The following RIMS2 variants were observed in gnomAD, a reference collection of about 807,000 sequenced individuals.
RIMS2 encodes the protein regulating synaptic membrane exocytosis 2, also known as regulating synaptic membrane exocytosis protein 2.
A neutral mutation model predicts 174.4 loss-of-function variants in RIMS2; 59 were observed. The observed-to-expected ratio is 0.34, with a 90% CI of 0.27 to 0.42. The LOEUF (loss-of-function observed/expected upper bound fraction) is 0.42, where lower values mean the gene tolerates loss of function less well. Ranked by LOEUF, RIMS2 falls within the 10% of genes least tolerant of loss-of-function variation. The pLI is 1.00. For synonymous variants in RIMS2, 606 were observed against 572.5 expected (o/e 1.06, Z -0.84); for missense variants, 1,620 against 1,666.3 (o/e 0.97, Z 0.48).
intron 13 of RIMS2, among the ~76,000 whole-genome samples, chr8:103,939,939 T>C (rs530789472): frequency 6.6e-6 from 1 of 152,308 alleles, no homozygotes; most frequent in East Asian, 1.9e-4. Flanking sequence ...GCCTGGACTT[T>C]ATTGTCCATA....
intron 19 of RIMS2, chr8:104,223,621 G>C: frequency 6.3e-7 from 1 of 1,579,536 alleles, no homozygotes; most frequent in Non-Finnish European, 8.5e-7. Context: ...CGCGTATCTT[G>C]TACCGCGGGA....
chr8:103,604,117 T>G (rs1318007502), intron 1 of RIMS2, among the ~76,000 whole-genome samples: 1 of 148,744 alleles, frequency 6.7e-6, no homozygotes, highest in Non-Finnish European at 1.5e-5. Flanking sequence ...TCTTCTAGGG[T>G]TTTTCTGGTT....
At chr8:103,766,035 T>G (rs1448734624) in intron 2 of RIMS2, among the ~76,000 whole-genome samples, 192 bp from the exon 6 acceptor site, 1 of 152,174 alleles carries the variant, frequency 6.6e-6, no homozygotes, top group African/African-American at 2.4e-5. Flanking sequence ...TATTGACTAT[T>G]TCATTAGAAT....
At chr8:103,992,370 C>T (rs993549069) in intron 17 of RIMS2, among the ~76,000 whole-genome samples, 1 of 149,958 alleles carries the variant, frequency 6.7e-6, no homozygotes, top group Non-Finnish European at 1.5e-5. Context: ...AGGTGATCCA[C>T]CTGCCTGGGT....
rs544185901 is a variant in RIMS2, at chr8:103,927,935, C to A, written c.2244+46C>A. The A allele has an allele frequency of 3.9e-6, 6 of 1,538,650 alleles. No individual in the cohort carries two copies. In the East Asian group the frequency reaches 1.1e-4, roughly 29 times the overall value. On this transcript the variant is annotated intron_variant, in intron 11 of 23. Transcript: ENST00000504942. ...ATAGAAACTAAAGTTGTGTTTAACC[C>A]TATTTGTATGTTTTTGGAAAATGCG...
chr8:103,723,549 C>T (rs2097483823), intron 2 of RIMS2, among the ~76,000 whole-genome samples: 1 of 152,154 alleles, frequency 6.6e-6, no homozygotes, highest in African/African-American at 2.4e-5. Flanking sequence ...CTGTAGTCTG[C>T]ATTCATAAGG....
At chr8:103,969,138 G>A (rs1324448836) in intron 15 of RIMS2, among the ~76,000 whole-genome samples, 1 of 151,602 alleles carries the variant, frequency 6.6e-6, no homozygotes, top group Non-Finnish European at 1.5e-5. Flanking sequence ...TTCTTTCAAG[G>A]GTTTTTCTTT....
intron 3 of RIMS2, among the ~76,000 whole-genome samples, chr8:103,836,005 C>A (rs2154482570): frequency 6.6e-6 from 1 of 152,236 alleles, no homozygotes; most frequent in Non-Finnish European, 1.5e-5. Flanking sequence ...AACTTCTGAT[C>A]AGATAAAATA....
At chr8:103,616,964 T>G (rs1209412247) in intron 1 of RIMS2, among the ~76,000 whole-genome samples, 1 of 152,192 alleles carries the variant, frequency 6.6e-6, no homozygotes, top group Non-Finnish European at 1.5e-5. Context: ...AATTTATTAA[T>G]TTGGTGCTAT....
chr8:103,806,653 A>G (rs2098652176), intron 3 of RIMS2, among the ~76,000 whole-genome samples: 1 of 151,756 alleles, frequency 6.6e-6, no homozygotes, highest in Non-Finnish European at 1.5e-5. Context: ...TTGGTGGAGA[A>G]TGGTTTGTAG....
chr8:103,768,476 G>C, intron 3 of RIMS2: 1 of 811,324 alleles, frequency 1.2e-6, no homozygotes, highest in East Asian at 2.4e-5. Context: ...CATGAAGAGG[G>C]GTGTCTTGAT....
chr8:103,742,239 T>C (rs1411490685), intron 2 of RIMS2, among the ~76,000 whole-genome samples: 2 of 152,084 alleles, frequency 1.3e-5, no homozygotes, highest in Admixed American at 6.6e-5. Flanking sequence ...TCCTTATATA[T>C]TTAGCCAAGT....
At chr8:103,811,449 A>G (rs1217107225) in intron 3 of RIMS2, among the ~76,000 whole-genome samples, 1 of 152,164 alleles carries the variant, frequency 6.6e-6, no homozygotes, top group South Asian at 2.1e-4. Context: ...AATTAAATTA[A>G]TTAATTTATT....
chr8:103,760,287 A>G lies in RIMS2; in HGVS notation c.388-5940A>G, dbSNP rs887733837. ...TGTGACTATTGCTAGAAATGCTGTG[A>G]TTACAATTCATGGTAAATCTGGAAG... is the stretch of plus-strand genomic sequence containing the variant. On this transcript the variant is annotated intron_variant, in intron 2 of 23. Transcript: ENST00000504942. 5.3e-5 allele frequency among the ~76,000 whole-genome samples: 8 copies of G among 152,230 alleles called. 1 individual carries two copies. The highest frequency in any genetic ancestry group is 3.2e-3 in the Middle Eastern group (1 of 316).
rs369882637 is a variant in RIMS2 at position 103,820,242 on chromosome 8, A to G, written c.698+53705A>G. ...GTTAAATTATGAACATATCTCTCAG[A>G]TGGTTTCTCTGGCTTACACTAAAAG... On this transcript the variant is annotated intron_variant, in intron 3 of 23. Transcript: ENST00000504942. Among the ~76,000 whole-genome samples, 11 of 152,158 alleles carry G rather than the reference A, an allele frequency of 7.2e-5. No individual in the cohort carries two copies. In the East Asian group the frequency reaches 7.7e-4, roughly 11 times the overall value.
intron 20 of RIMS2, among the ~76,000 whole-genome samples, 187 bp from the exon 27 acceptor site, chr8:104,248,514 T>C (rs2099347268): frequency 6.6e-6 from 1 of 152,150 alleles, no homozygotes; most frequent in Non-Finnish European, 1.5e-5. Context: ...TCTGGTGTCA[T>C]ACTTGGGCTG....
intron 1 of RIMS2, among the ~76,000 whole-genome samples, chr8:103,668,600 GTATTCTATTTGGATCATTT>G (rs1340215091): frequency 1.3e-5 from 2 of 152,124 alleles, no homozygotes; most frequent in African/African-American, 4.8e-5. Flanking sequence ...ATGCATGTGT[GTATTCTATTTGGATCATTT>G]TATCTCCTCC....
chr8:103,721,001 T>C (rs532743357), intron 2 of RIMS2, among the ~76,000 whole-genome samples: 55 of 152,304 alleles, frequency 3.6e-4, no homozygotes, highest in African/African-American at 1.2e-3. Context: ...TCCCCAGTGT[T>C]AGAGGCGGGG....
At chr8:103,609,799 C>T (rs907017747) in intron 1 of RIMS2, among the ~76,000 whole-genome samples, 2 of 152,118 alleles carry the variant, frequency 1.3e-5, no homozygotes, top group African/African-American at 4.8e-5. Context: ...CTTAGGATTG[C>T]CGTGGCTATT....
Sources: allele counts gnomAD v4.1 joint callset (sites outside exome capture counted in the v4.1 genomes callset), GRCh38; gene constraint gnomAD v4.1.1; transcripts MANE v1.5; gene names NCBI Gene and HGNC (gene_info 2026-07-23, HGNC 2026-07-21).